Variants in TRAPPC9 observed in about 807,000 individuals in gnomAD.
TRAPPC9 encodes IKK2 binding protein.
TRAPPC9 carries 83 observed loss-of-function variants against 124.0 expected under a neutral mutation model. That is an observed-to-expected ratio of 0.67 (90% CI 0.56 to 0.80). The LOEUF is 0.80. Ranked by LOEUF, TRAPPC9 falls within the 30% of genes least tolerant of loss-of-function variation. The pLI is 0.00. For synonymous variants in TRAPPC9, 638 were observed against 617.5 expected, an observed-to-expected ratio of 1.03 and a Z score of -0.49; for missense variants, 1,302 against 1,508.3, an observed-to-expected ratio of 0.86 and a Z score of 2.27.
chr8:140,423,579 T>TACACACACACACAAC, intron 5 of TRAPPC9, among the ~76,000 whole-genome samples: 2 of 145,440 alleles, frequency 1.4e-5, no homozygotes, highest in African/African-American at 5.2e-5. Context: ...AAATGTGGCA[T>TACACACACACACAAC]ACACACACAC....
At chr8:139,977,243 A>G (rs1282039794) in intron 19 of TRAPPC9, among the ~76,000 whole-genome samples, 1 of 152,064 alleles carries the variant, frequency 6.6e-6, no homozygotes, top group Non-Finnish European at 1.5e-5. Context: ...AACACCATCA[A>G]ATGAAACGGC....
In TRAPPC9 at chr8:139,778,493, G is replaced by A. The variant is rs773974568; in HGVS notation, c.3056-46291C>T. Among the ~76,000 whole-genome samples the A allele has an allele frequency of 9.2e-5, 14 of 152,064 alleles. No homozygotes were observed. In the East Asian group the frequency reaches 1.3e-3, roughly 15 times the overall value. On this transcript the variant is annotated intron_variant, in intron 21 of 22. Transcript: ENST00000438773. ...AACCAATCAAAACAGGCCCAGAACT[G>A]ACATAAATGTTAGAATTAGCAGTGA...
At chr8:139,949,606 C>G (rs550565688) in intron 19 of TRAPPC9, among the ~76,000 whole-genome samples, 14 of 152,328 alleles carry the variant, frequency 9.2e-5, no homozygotes, top group African/African-American at 3.1e-4. Context: ...CATGAATAGA[C>G]CCTGATTACA....
chr8:140,149,897 G>T (rs1208825099), intron 17 of TRAPPC9, among the ~76,000 whole-genome samples: 3 of 152,178 alleles, frequency 2.0e-5, no homozygotes, highest in Admixed American at 1.3e-4. Context: ...ATGCATGTAC[G>T]TATGTCTAGG....
chr8:140,338,616 C>T (rs906233618), intron 9 of TRAPPC9, among the ~76,000 whole-genome samples: 7 of 152,216 alleles, frequency 4.6e-5, no homozygotes, highest in Non-Finnish European at 1.0e-4. Context: ...GAACCCTAAG[C>T]TAATATGACT....
At chr8:140,348,402 G>A (rs2067413722) in intron 9 of TRAPPC9, among the ~76,000 whole-genome samples, 1 of 152,090 alleles carries the variant, frequency 6.6e-6, no homozygotes, top group African/African-American at 2.4e-5. Context: ...AGAAGAGTAA[G>A]GCAGCGTTCT....
intron 5 of TRAPPC9, among the ~76,000 whole-genome samples, chr8:140,411,685 T>A (rs2069712466): frequency 6.6e-6 from 1 of 152,170 alleles, no homozygotes; most frequent in African/African-American, 2.4e-5. Flanking sequence ...ATATGTTCAA[T>A]AACTGATTGA....
At chr8:140,161,119 T>C (rs1048352948) in intron 17 of TRAPPC9, among the ~76,000 whole-genome samples, 8 of 152,148 alleles carry the variant, frequency 5.3e-5, no homozygotes, top group African/African-American at 1.9e-4. Context: ...AGTGTTTCCA[T>C]CTAAAGCAAG....
intron 17 of TRAPPC9, among the ~76,000 whole-genome samples, chr8:140,141,287 G>C (rs998141813): frequency 2.6e-5 from 4 of 152,202 alleles, no homozygotes; most frequent in Non-Finnish European, 5.9e-5. Context: ...CTTCTGAGTA[G>C]CATGATGAAT....
intron 5 of TRAPPC9, among the ~76,000 whole-genome samples, chr8:140,425,250 A>G (rs1193219700): frequency 6.6e-6 from 1 of 152,214 alleles, no homozygotes; most frequent in African/African-American, 2.4e-5. Flanking sequence ...TGGGGCCAGG[A>G]CGGCATCTCA....
chr8:139,792,626 G>A lies in TRAPPC9; in HGVS notation c.3056-60424C>T, dbSNP rs138913473. 1.0e-3 allele frequency among the ~76,000 whole-genome samples: 157 copies of A among 152,302 alleles called. 1 individual carries two copies. The highest frequency in any genetic ancestry group is 3.4e-3 in the African/African-American group (141 of 41,562). ...CAGCCTAGAAGCCCTGCTACCCTGT[G>A]TCTGAAAACTCCAACCCAGCACCTG... On this transcript the variant is annotated intron_variant, in intron 21 of 22. Transcript: ENST00000438773.
Position 140,360,193 on chromosome 8 carries a change from C to CCTGCGATGGAAGTTA in TRAPPC9, c.1352-15_1352-1dup (p.Arg450_Gly451insValThrSerIleAla). The CCTGCGATGGAAGTTA allele has an allele frequency of 6.2e-7, 1 of 1,614,140 alleles. No homozygotes were observed. The highest frequency in any genetic ancestry group is 8.5e-7 in the Non-Finnish European group (1 of 1,180,018). Reference sequence around the variant, plus strand: ...GACCGCAGCCCAGCCTCTGTGCGTGCCTGCGATGGAAGTTACAAAACATCA... The same window carrying CCTGCGATGGAAGTTA: ...GACCGCAGCCCAGCCTCTGTGCGTGCCTGCGATGGAAGTTACTGCGATGGAAGTTACAAAACATCA... On this transcript the variant is annotated inframe_insertion and splice_region_variant. Coordinates refer to ENST00000438773, the MANE Select transcript of TRAPPC9 (RefSeq NM_001160372.4).
chr8:140,169,629 A>G (rs2061925786), intron 17 of TRAPPC9, among the ~76,000 whole-genome samples: 1 of 152,212 alleles, frequency 6.6e-6, no homozygotes, highest in Admixed American at 6.5e-5. Flanking sequence ...CACGGCATCT[A>G]CGAGCCTTGA....
intron 11 of TRAPPC9, among the ~76,000 whole-genome samples, chr8:140,295,010 AG>A (rs1185180431): frequency 6.6e-6 from 1 of 152,184 alleles, no homozygotes; most frequent in African/African-American, 2.4e-5. Flanking sequence ...TTGTCCTAGA[AG>A]TAGTGGGAAG....
chr8:140,424,700 G>A (rs2070362164), intron 5 of TRAPPC9, among the ~76,000 whole-genome samples: 1 of 151,172 alleles, frequency 6.6e-6, no homozygotes, highest in African/African-American at 2.4e-5. Flanking sequence ...AGAGTTTTAA[G>A]AATCATTCCA....
At chr8:140,415,153 G>A (rs552072624) in intron 5 of TRAPPC9, among the ~76,000 whole-genome samples, 18 of 152,176 alleles carry the variant, frequency 1.2e-4, no homozygotes, top group Non-Finnish European at 4.4e-5. Context: ...CTAGGCTGCA[G>A]TGAGCTGTAA....
chr8:140,131,908 C>T (rs945327317), intron 17 of TRAPPC9, among the ~76,000 whole-genome samples: 3 of 152,212 alleles, frequency 2.0e-5, no homozygotes, highest in African/African-American at 4.8e-5. Flanking sequence ...GGAGTCAGCC[C>T]TCTTCCCAGG....
intron 9 of TRAPPC9, 122 bp downstream of exon 9, chr8:140,359,928 G>C: frequency 7.1e-7 from 1 of 1,405,510 alleles, no homozygotes; most frequent in Non-Finnish European, 1.0e-6. Flanking sequence ...TGTCACTGAC[G>C]AAGAGCTGGG....
intron 21 of TRAPPC9, among the ~76,000 whole-genome samples, chr8:139,744,782 C>T (rs1411589183): frequency 1.3e-5 from 2 of 152,190 alleles, no homozygotes; most frequent in South Asian, 2.1e-4. Context: ...ACCCTCAAGT[C>T]GAGAACAGCT....
Sources: gnomAD v4.1 joint callset for allele counts (sites outside exome capture counted in the v4.1 genomes callset) on GRCh38, gnomAD v4.1.1 for gene constraint, MANE v1.5 for transcripts, NCBI Gene and HGNC (gene_info 2026-07-23, HGNC 2026-07-21) for gene names.